Variants in TMEM63A observed in about 807,000 individuals in gnomAD.
TMEM63A encodes the protein transmembrane protein 63A.
In TMEM63A, 76 loss-of-function variants were observed where a neutral mutation model predicts 100.6. The ratio of observed to expected loss-of-function variants is 0.76; its 90% CI spans 0.63 to 0.91. The LOEUF (loss-of-function observed/expected upper bound fraction) is 0.91. Ranked by LOEUF, TMEM63A falls within the 40% of genes least tolerant of loss-of-function variation. TMEM63A has a pLI of 0.00. For missense variants in TMEM63A, 876 were observed against 1,008.8 expected (o/e 0.87, Z 1.78); for synonymous variants, 401 against 401.1 (o/e 1.00, Z 0.00).
chr1:225,879,687 C>A (rs1347096391), intron 1 of TMEM63A, among the ~76,000 whole-genome samples: 2 of 152,200 alleles, frequency 1.3e-5, no homozygotes, highest in African/African-American at 4.8e-5. Context: ...GCTCAGGGAC[C>A]TGCTGGGTCT....
rs751245770 is a variant in TMEM63A, at chr1:225,865,640, G to A, written c.746+257C>T. 3 of 469,390 alleles carry A rather than the reference G, an allele frequency of 6.4e-6. No individual in the cohort carries two copies. In the East Asian group the frequency reaches 1.0e-4, roughly 16 times the overall value. 29.1% of individuals were successfully genotyped at this position (469,390 alleles called of 1,614,324 possible). ...GACGTTTATTCGCACCTACACCCTG[G>A]TCTGTGCTCTGGACACTGTGCACAG... On this transcript the variant is annotated intron_variant, in intron 10 of 24. Transcript: ENST00000366835. This position sits in a 1 kb window ranked among gnomAD's most constrained non-coding sequence, Gnocchi z 4.6.
chr1:225,858,318 G>GT (rs67373815), intron 15 of TMEM63A, among the ~76,000 whole-genome samples: 37 of 70,144 alleles, frequency 5.3e-4, no homozygotes, highest in Non-Finnish European at 9.4e-4. Context: ...AGAATAGTTT[G>GT]TTTTTTTTTT....
rs1184306252 is a variant in TMEM63A at position 225,845,868 on chromosome 1, C to T, written c.*1071G>A. 1.5e-5 allele frequency: 3 copies of T among 206,682 alleles called. No homozygotes were observed. Among genetic ancestry groups the T allele is most frequent in the Non-Finnish European group, 3.0e-5 (3 of 101,142 alleles). The allele number at this position is 206,682 out of a possible 1,614,324, so 12.8% of individuals were successfully genotyped here. On this transcript the variant is annotated 3_prime_UTR_variant, in exon 25 of 25. Coordinates refer to ENST00000366835, the MANE Select transcript of TMEM63A (RefSeq NM_014698.3). ...GGCCAGCGGACAGGCACAGGCAGGG[C>T]CTACAGAGGTGCCAAGGCCCCAGGC...
intron 1 of TMEM63A, among the ~76,000 whole-genome samples, chr1:225,882,027 G>A (rs965702990): frequency 1.5e-4 from 23 of 152,244 alleles, no homozygotes; most frequent in Admixed American, 9.2e-4. Flanking sequence ...CCAAAGAGAG[G>A]GGTGGGGAAG....
chr1:225,848,375 G>T, intron 23 of TMEM63A, 117 bp downstream of exon 23: 1 of 1,072,594 alleles, frequency 9.3e-7, no homozygotes, highest in Non-Finnish European at 1.4e-6. Context: ...AAACTTGCCT[G>T]CCATGTGATC....
At chr1:225,860,143 A>T (rs1470489340) in intron 14 of TMEM63A, 3 of 152,752 alleles carry the variant, frequency 2.0e-5, no homozygotes, top group Non-Finnish European at 4.4e-5. Flanking sequence ...CTTGTGAACC[A>T]AAGAGCAAAA....
rs1204453570 is a variant in TMEM63A at position 225,862,561 on chromosome 1, C to T, written c.845G>A (p.Ser282Asn). 1 of 1,613,766 alleles carries T rather than the reference C, an allele frequency of 6.2e-7. No homozygotes were observed. The highest frequency in any genetic ancestry group is 1.1e-5 in the South Asian group (1 of 91,058). The change falls in exon 12 of 25, where the codon AGC (serine) becomes AAC (asparagine). Residue 282 changes from serine (S) to asparagine (N), a missense_variant. Physicochemically the swap from Ser to Asn is conservative, Grantham distance 46. Transcript: ENST00000366835. This position sits in a 1 kb window ranked among gnomAD's most constrained non-coding sequence, Gnocchi z 5.1. ...CTGCAGGTTTGTGTAATAGGTCAGG[C>T]TCTTCTCAGTCTTCTTTCTGTAGGG... is the stretch of plus-strand genomic sequence containing the variant. Reference protein sequence around the residue: ...LCKEKKKTEKSLTYYTNLQVK... With the variant: ...LCKEKKKTEKNLTYYTNLQVK...
chr1:225,842,319 C>G (rs1247370200), downstream of TMEM63A: 3 of 1,397,872 alleles, frequency 2.1e-6, no homozygotes, highest in Admixed American at 3.3e-5. Context: ...CTCCAGCTCT[C>G]TGGTCCCCAG....
At chr1:225,871,025 C>CA (rs756881900) in intron 6 of TMEM63A, 51 bp downstream of exon 6, 11 of 1,606,738 alleles carry the variant, frequency 6.8e-6, no homozygotes, top group Middle Eastern at 1.7e-4. Flanking sequence ...GCCAAACACC[C>CA]AAAAAAACCA....
At position 225,862,434 on chromosome 1, in the gene TMEM63A, G is replaced by T; in HGVS notation, c.951+21C>A. The T allele has an allele frequency of 6.2e-7, 1 of 1,613,950 alleles. No homozygotes were observed. The highest frequency in any genetic ancestry group is 8.5e-7 in the Non-Finnish European group (1 of 1,179,840). ...CCCGATGCCAATGCCTCTGCTCCCAGCCGGGGGGTGGGACCCTTACCCACT... is the reference window on the plus strand; with the variant it reads ...CCCGATGCCAATGCCTCTGCTCCCATCCGGGGGGTGGGACCCTTACCCACT... On this transcript the variant is annotated intron_variant, in intron 12 of 24. Transcript: ENST00000366835. This position sits in a 1 kb window ranked among gnomAD's most constrained non-coding sequence, Gnocchi z 5.1.
chr1:225,868,521 T>TA (rs774692508), intron 6 of TMEM63A, among the ~76,000 whole-genome samples: 1,553 of 133,214 alleles, frequency 0.012, 12 homozygotes, highest in South Asian at 0.018. Flanking sequence ...TAAAAAATAC[T>TA]AAAAAAAAAA....
At chr1:225,859,405 T>C in intron 14 of TMEM63A, 56 bp from the exon 15 acceptor site, 1 of 1,602,818 alleles carries the variant, frequency 6.2e-7, no homozygotes, top group Non-Finnish European at 8.5e-7. Flanking sequence ...GCTCGTGGCT[T>C]AGGTGGGTCA....
At chr1:225,842,569 G>T (rs1668519759), downstream of TMEM63A, 1 of 903,060 alleles carries the variant, frequency 1.1e-6, no homozygotes, top group Non-Finnish European at 1.9e-6. Context: ...TCTGCATGGG[G>T]CACTCAGCAA....
At chr1:225,880,524 G>A (rs1302374506) in intron 1 of TMEM63A, among the ~76,000 whole-genome samples, 1 of 152,092 alleles carries the variant, frequency 6.6e-6, no homozygotes, top group African/African-American at 2.4e-5. Flanking sequence ...GCACTGCCTG[G>A]CTGAGAACCC....
chr1:225,845,082 G>A (rs1668831830), downstream of TMEM63A: 1 of 1,573,942 alleles, frequency 6.4e-7, no homozygotes, highest in East Asian at 2.2e-5. Context: ...TTAACCCCCT[G>A]CTGTGCAGGA....
intron 14 of TMEM63A, 44 bp from the exon 15 acceptor site, chr1:225,859,393 G>C: frequency 1.2e-6 from 2 of 1,609,154 alleles, no homozygotes; most frequent in Non-Finnish European, 1.7e-6. Flanking sequence ...TTGTCTCCCA[G>C]TGCTCGTGGC....
chr1:225,867,098 G>C lies in TMEM63A; in HGVS notation c.566+14C>G. 1 of 1,613,970 alleles carries C rather than the reference G, an allele frequency of 6.2e-7. No individual in the cohort carries two copies. ...TCACCCATCAGCACCTATCCCCACGGGCTCCATACTCACTCAGTCTGTAGG... is the reference window on the plus strand; with the variant it reads ...TCACCCATCAGCACCTATCCCCACGCGCTCCATACTCACTCAGTCTGTAGG... On this transcript the variant is annotated intron_variant, in intron 8 of 24. Coordinates refer to ENST00000366835, the MANE Select transcript of TMEM63A (RefSeq NM_014698.3). The surrounding 1 kb of genome is among the most constrained non-coding windows in gnomAD (Gnocchi z 4.6).
Position 225,853,898 on chromosome 1 carries a change from T to G in TMEM63A, c.1635-107A>C. 3 of 1,103,872 alleles carry G rather than the reference T, an allele frequency of 2.7e-6. No individual in the cohort carries two copies. Among genetic ancestry groups the G allele is most frequent in the Non-Finnish European group, 2.5e-6 (2 of 796,108 alleles). 68.4% of individuals were successfully genotyped at this position (1,103,872 alleles called of 1,614,324 possible). A position where few individuals can be genotyped will look rare whatever the true frequency, so the allele number is the denominator to read the frequency against. Reference sequence around the variant, plus strand: ...GAAAGCCCCTGGGAGGGCTGTATACTCTTCCGTTCATTCAGCACATATTTG... The same window carrying G: ...GAAAGCCCCTGGGAGGGCTGTATACGCTTCCGTTCATTCAGCACATATTTG... On this transcript the variant is annotated intron_variant, in intron 18 of 24. Transcript: ENST00000366835. The surrounding 1 kb of genome is among the most constrained non-coding windows in gnomAD (Gnocchi z 4.0).
At chr1:225,875,651 C>T (rs894629022) in intron 3 of TMEM63A, among the ~76,000 whole-genome samples, 2 of 152,162 alleles carry the variant, frequency 1.3e-5, no homozygotes, top group South Asian at 4.1e-4. Flanking sequence ...CCCTCTCTGT[C>T]CACAGCGGCT....
Sources: gnomAD v4.1 joint callset for allele counts (sites outside exome capture counted in the v4.1 genomes callset) on GRCh38, gnomAD v4.1.1 for gene constraint, Gnocchi (gnomAD v3.1) non-coding constraint, MANE v1.5 for transcripts, NCBI Gene and HGNC (gene_info 2026-07-23, HGNC 2026-07-21) for gene names.